ZDHHC24: variants seen among roughly 807,000 people sequenced by gnomAD.
ZDHHC24 encodes probable palmitoyltransferase ZDHHC24.
In ZDHHC24, 17 loss-of-function variants were observed where a neutral mutation model predicts 23.2. The observed-to-expected ratio is 0.73, with a 90% CI of 0.50 to 1.10. ZDHHC24 has a LOEUF of 1.10. Among genes scored for constraint, ZDHHC24 ranks in the 50% least tolerant of loss-of-function variants. ZDHHC24 has a pLI of 0.00. For missense variants in ZDHHC24, 366 were observed against 393.0 expected (o/e 0.93, Z 0.58); for synonymous variants, 186 against 194.5 (o/e 0.96, Z 0.36).
At chr11:66,525,433 GTGCA>G (rs1856447884) in intron 4 of ZDHHC24, among the ~76,000 whole-genome samples, 2 of 151,894 alleles carry the variant, frequency 1.3e-5, no homozygotes, top group Admixed American at 1.3e-4. Context: ...AAGCATGGTG[GTGCA>G]TGCCTATAAT....
chr11:66,526,387 CT>C (rs747220974), intron 4 of ZDHHC24, among the ~76,000 whole-genome samples: 5 of 152,240 alleles, frequency 3.3e-5, no homozygotes, highest in Non-Finnish European at 7.3e-5. Context: ...TGGATTCGAT[CT>C]TTCTAGTTCA....
chr11:66,522,392 G>C (rs1856282107), intron 4 of ZDHHC24, among the ~76,000 whole-genome samples: 1 of 150,570 alleles, frequency 6.6e-6, no homozygotes, highest in Non-Finnish European at 1.5e-5. Flanking sequence ...CTGTCACCCA[G>C]GCTGGAGTGC....
At chr11:66,526,789 G>A in intron 4 of ZDHHC24, 3 of 1,614,250 alleles carry the variant, frequency 1.9e-6, no homozygotes, top group Non-Finnish European at 2.5e-6. Context: ...GACACTGCGA[G>A]AGCGGGAGGC....
chr11:66,532,916 T>C (rs963389870), downstream of ZDHHC24: 1 of 152,230 alleles, frequency 6.6e-6, no homozygotes, highest in South Asian at 2.1e-4. Context: ...ACTGCCCATA[T>C]AGATGCCCTT....
At position 66,543,852 on chromosome 11, in the gene ZDHHC24, C is replaced by T. The variant is rs1857227195; in HGVS notation, c.411G>A (p.Arg137=). ...CATGAAGCAGCAGGCACAGGAAGGG[C>T]CGGTAGTTGCCGAAGCCCACGCAGC... The part of the protein sequence containing the change: ...LGRCVGFGNY[R]PFLCLLLHAA... Residue 137 remains arginine, a synonymous_variant, in exon 2 of 3, where the codon CGG becomes CGA. Transcript: ENST00000310442. 1 of 1,613,714 alleles carries T rather than the reference C, an allele frequency of 6.2e-7. No individual in the cohort carries two copies. The highest frequency in any genetic ancestry group is 1.3e-5 in the African/African-American group (1 of 74,908).
chr11:66,530,295 G>A (rs1315170647), intron 2 of ZDHHC24, among the ~76,000 whole-genome samples: 1 of 152,156 alleles, frequency 6.6e-6, no homozygotes, highest in African/African-American at 2.4e-5. Context: ...CTGTCACTTT[G>A]GTAACTGTGG....
chr11:66,529,759 GCTGCCTCCTCC>G, intron 2 of ZDHHC24: 2 of 1,600,654 alleles, frequency 1.2e-6, no homozygotes, highest in Non-Finnish European at 1.7e-6. Context: ...GTGCCCCGTT[GCTGCCTCCTCC>G]CTGCCACCCC....
At chr11:66,542,090 A>G (rs1347327955) in intron 2 of ZDHHC24, among the ~76,000 whole-genome samples, 1 of 152,036 alleles carries the variant, frequency 6.6e-6, no homozygotes, top group Non-Finnish European at 1.5e-5. Context: ...CGGGGAGTTG[A>G]GGACAGCACA....
intron 3 of ZDHHC24, among the ~76,000 whole-genome samples, chr11:66,527,315 A>G (rs1011807150): frequency 5.9e-5 from 9 of 151,898 alleles, no homozygotes; most frequent in Non-Finnish European, 1.3e-4. Flanking sequence ...TCGTTCGTTC[A>G]TTCATTCATT....
rs1446064566 is a variant in ZDHHC24, at chr11:66,545,947, G to A, written c.57C>T (p.Leu19=). ...STDGAPAQLP[L]VLTALWAAAV... is the part of the protein sequence containing the mutation. ...CCGCGGCCCACAGCGCGGTGAGCAC[G>A]AGAGGCAGCTGCGCGGGCGCCCCGT... is the stretch of plus-strand genomic sequence containing the variant. Residue 19 remains leucine (L), a synonymous_variant, in exon 1 of 3, where the codon CTC becomes CTT. Transcript: ENST00000310442. This position sits in a 1 kb window ranked among gnomAD's most constrained non-coding sequence, Gnocchi z 4.5. 1.4e-6 allele frequency: 2 copies of A among 1,463,934 alleles called. No homozygotes were observed. Among genetic ancestry groups the A allele is most frequent in the Non-Finnish European group, 1.8e-6 (2 of 1,121,000 alleles). The allele number at this position is 1,463,934 out of a possible 1,614,324, so 90.7% of individuals were successfully genotyped here. A position where few individuals can be genotyped will look rare whatever the true frequency, so the allele number is the denominator to read the frequency against.
At chr11:66,525,176 G>C (rs950374775) in intron 4 of ZDHHC24, among the ~76,000 whole-genome samples, 3 of 150,588 alleles carry the variant, frequency 2.0e-5, no homozygotes, top group African/African-American at 7.4e-5. Context: ...CTCCAGCCTG[G>C]GTGACAGAGC....
At chr11:66,526,619 C>A (rs1856507664) in intron 4 of ZDHHC24, 2 of 1,614,020 alleles carry the variant, frequency 1.2e-6, no homozygotes, top group African/African-American at 2.7e-5. Flanking sequence ...CTGGGGAGGA[C>A]AAATCCATTT....
chr11:66,521,026 T>C, downstream of ZDHHC24: 1 of 533,606 alleles, frequency 1.9e-6, no homozygotes, highest in South Asian at 2.0e-5. Flanking sequence ...GCTGCACGGT[T>C]GTTTAAGTAC....
intron 3 of ZDHHC24, chr11:66,527,140 A>G: frequency 2.3e-6 from 2 of 858,120 alleles, no homozygotes; most frequent in Non-Finnish European, 3.7e-6. Context: ...ACTTTGGCAG[A>G]GGTGGGAGGA....
chr11:66,531,747 G>T, downstream of ZDHHC24: 1 of 1,613,956 alleles, frequency 6.2e-7, no homozygotes, highest in Non-Finnish European at 8.5e-7. Flanking sequence ...ATCAAGGTAG[G>T]CCCCGCACTT....
intron 2 of ZDHHC24, 36 bp from the exon 3 acceptor site, chr11:66,539,860 AGTGGGGT>A: frequency 1.3e-6 from 2 of 1,517,780 alleles, no homozygotes; most frequent in Admixed American, 4.2e-5. Flanking sequence ...AGGGAGGGGC[AGTGGGGT>A]CCGGCTTTCC....
At chr11:66,521,284 C>A in exon 5 of ZDHHC24, 1 of 1,614,054 alleles carries the variant, frequency 6.2e-7, no homozygotes, top group Non-Finnish European at 8.5e-7. Flanking sequence ...GCCTTCCCAG[C>A]GTCCCCGTCT....
At chr11:66,544,492 C>T (rs1002578483) in intron 1 of ZDHHC24, among the ~76,000 whole-genome samples, 8 of 152,212 alleles carry the variant, frequency 5.3e-5, no homozygotes, top group African/African-American at 7.2e-5. Flanking sequence ...TCTCTTACTG[C>T]ACTCCAGCCA....
chr11:66,533,425 C>A (rs1856860608), downstream of ZDHHC24: 1 of 152,204 alleles, frequency 6.6e-6, no homozygotes, highest in South Asian at 2.1e-4. Flanking sequence ...CAATCTTAGA[C>A]ATTACCTGTT....
Sources: gnomAD v4.1 joint callset for allele counts (sites outside exome capture counted in the v4.1 genomes callset) on GRCh38, gnomAD v4.1.1 for gene constraint, Gnocchi (gnomAD v3.1) non-coding constraint, MANE v1.5 for transcripts, NCBI Gene and HGNC (gene_info 2026-07-23, HGNC 2026-07-21) for gene names.